The following CDC14B variants were observed in gnomAD, a reference collection of about 807,000 sequenced individuals.
CDC14B encodes dual specificity protein phosphatase CDC14B.
CDC14B carries 22 observed loss-of-function variants against 64.2 expected under a neutral mutation model. The ratio of observed to expected loss-of-function variants is 0.34; its 90% CI spans 0.24 to 0.49. CDC14B has a LOEUF of 0.49. Among genes scored for constraint, CDC14B ranks in the 20% least tolerant of loss-of-function variants. CDC14B has a pLI of 0.99. For synonymous variants in CDC14B, 191 were observed against 215.8 expected (o/e 0.89, Z 1.01); for missense variants, 498 against 629.9 (o/e 0.79, Z 2.24).
intron 2 of CDC14B, 70 bp from the exon 3 acceptor site, chr9:96,564,922 C>A: frequency 1.0e-6 from 1 of 977,824 alleles, no homozygotes; most frequent in South Asian, 1.5e-5. Context: ...TTTTTTGGGT[C>A]TACAAGATCA....
chr9:96,604,385 T>C (rs1846724462), intron 1 of CDC14B, among the ~76,000 whole-genome samples: 1 of 144,500 alleles, frequency 6.9e-6, no homozygotes, highest in Admixed American at 6.9e-5. Flanking sequence ...ATTATTATTA[T>C]TATTATTATT....
intron 1 of CDC14B, among the ~76,000 whole-genome samples, chr9:96,572,632 T>G (rs1408873568): frequency 2.0e-5 from 3 of 152,092 alleles, no homozygotes; most frequent in African/African-American, 4.8e-5. Context: ...AAAAGAAAAT[T>G]AATCTTATTC....
chr9:96,537,729 T>C lies in CDC14B; in HGVS notation c.627+1349A>G, dbSNP rs915575912. On this transcript the variant is annotated intron_variant, in intron 7 of 13. Coordinates refer to ENST00000375241, the MANE Select transcript of CDC14B (RefSeq NM_033331.4). ...TAATTTATGTAATCCAGTAAATTTT[T>C]CCCTTTTTTTTGAGACAGAATCTTG... Among the ~76,000 whole-genome samples, 10 of 152,124 alleles carry C rather than the reference T, an allele frequency of 6.6e-5. 1 individual carries two copies. The highest frequency in any genetic ancestry group is 1.3e-4 in the Non-Finnish European group (9 of 68,016).
intron 1 of CDC14B, among the ~76,000 whole-genome samples, chr9:96,594,030 G>A (rs1179657302): frequency 1.3e-5 from 2 of 152,166 alleles, no homozygotes; most frequent in African/African-American, 2.4e-5. Flanking sequence ...ACAAGATGGA[G>A]CGACAGGAAC....
chr9:96,541,332 A>G (rs1240248257), intron 6 of CDC14B, among the ~76,000 whole-genome samples: 1 of 152,272 alleles, frequency 6.6e-6, no homozygotes, highest in Non-Finnish European at 1.5e-5. Context: ...GTTTCACATA[A>G]AACTGTATAA....
In CDC14B at chr9:96,503,731, A is replaced by G. The variant is rs1833749890; in HGVS notation, c.*22T>C. The G allele has an allele frequency of 1.9e-6, 3 of 1,608,888 alleles. No individual in the cohort carries two copies. Among genetic ancestry groups the G allele is most frequent in the Non-Finnish European group, 1.7e-6 (2 of 1,175,468 alleles). On this transcript the variant is annotated 3_prime_UTR_variant, in exon 14 of 14. Coordinates refer to ENST00000375241, the MANE Select transcript of CDC14B (RefSeq NM_033331.4). The stretch of plus-strand genomic sequence containing the variant: ...GTTTTCAGTCCTAGAGTCTTCCTTC[A>G]GCTCTGGTCACAGGTTTTTACTTAA...
At chr9:96,583,348 C>T (rs1213156758) in intron 1 of CDC14B, among the ~76,000 whole-genome samples, 3 of 150,128 alleles carry the variant, frequency 2.0e-5, no homozygotes, top group Middle Eastern at 3.5e-3. Flanking sequence ...CGGCGCCACC[C>T]TCCGGCTACT....
intron 5 of CDC14B, among the ~76,000 whole-genome samples, chr9:96,549,662 T>TAA (rs797012054): frequency 1.4e-5 from 2 of 140,768 alleles, no homozygotes; most frequent in African/African-American, 5.2e-5. Context: ...AGACTCCGTC[T>TAA]AAAAAAAAAA....
chr9:96,558,419 T>C (rs930454207), intron 4 of CDC14B, among the ~76,000 whole-genome samples: 4 of 152,212 alleles, frequency 2.6e-5, no homozygotes, highest in African/African-American at 7.2e-5. Context: ...CCCATAAATA[T>C]GTACAATTAT....
At chr9:96,493,228 T>C in exon 14 of CDC14B, 1 of 152,304 alleles carries the variant, frequency 6.6e-6, no homozygotes, top group Middle Eastern at 3.2e-3. Context: ...TGGGCCTGCC[T>C]GCTCTCTCCA....
chr9:96,533,610 G>A lies in CDC14B; in HGVS notation c.946+317C>T, dbSNP rs552139879. Among the ~76,000 whole-genome samples, 3 of 152,258 alleles carry A rather than the reference G, an allele frequency of 2.0e-5. No homozygotes were observed. In the South Asian group the frequency reaches 6.2e-4, roughly 32 times the overall value. Reference sequence around the variant, plus strand: ...CACTGTTACAATTGCTGAAAACAGAGCAACTTGTTAAGAATATAGTTTCCA... The same window carrying A: ...CACTGTTACAATTGCTGAAAACAGAACAACTTGTTAAGAATATAGTTTCCA... On this transcript the variant is annotated intron_variant, in intron 9 of 13. Coordinates refer to ENST00000375241, the MANE Select transcript of CDC14B (RefSeq NM_033331.4).
intron 5 of CDC14B, among the ~76,000 whole-genome samples, chr9:96,547,611 GCC>G (rs1234788925): frequency 5.3e-5 from 8 of 151,978 alleles, no homozygotes; most frequent in Non-Finnish European, 4.4e-5. Flanking sequence ...ATGCCACCCT[GCC>G]CAGCTAATTT....
intron 13 of CDC14B, among the ~76,000 whole-genome samples, chr9:96,505,360 AC>A (rs941277016): frequency 1.3e-5 from 2 of 152,200 alleles, no homozygotes; most frequent in African/African-American, 2.4e-5. Context: ...AGTAACTTGT[AC>A]ATGCCAGTTT....
chr9:96,617,888 G>A (rs532819167), intron 1 of CDC14B, among the ~76,000 whole-genome samples: 7 of 152,238 alleles, frequency 4.6e-5, no homozygotes, highest in African/African-American at 1.7e-4. Context: ...AGGCCCACCC[G>A]TTCCCAGCCC....
At chr9:96,565,334 C>T (rs559906774) in intron 2 of CDC14B, 59 bp downstream of exon 2, 2 of 1,043,028 alleles carry the variant, frequency 1.9e-6, no homozygotes, top group South Asian at 1.4e-5. Flanking sequence ...CCATTTATAA[C>T]CATACCTTTA....
intron 1 of CDC14B, among the ~76,000 whole-genome samples, chr9:96,592,541 C>T (rs1845848912): frequency 1.3e-5 from 2 of 151,982 alleles, no homozygotes; most frequent in African/African-American, 2.4e-5. Context: ...TTTGGGAGGC[C>T]GAGGTGGGTG....
rs181262865 is a variant in CDC14B, at chr9:96,559,083, A to G, written c.420+3610T>C. 3.9e-5 allele frequency among the ~76,000 whole-genome samples: 6 copies of G among 152,326 alleles called. No individual in the cohort carries two copies. The East Asian group carries it at 1.2e-3, about 29-fold the overall frequency. ...GCCTGACCATCTGTCAAAAAGACCA[A>G]TTGTGGGCATGTCAATTCATATTTT... On this transcript the variant is annotated intron_variant, in intron 4 of 13. Transcript: ENST00000375241.
chr9:96,573,832 G>A (rs532233538), intron 1 of CDC14B, among the ~76,000 whole-genome samples: 1 of 152,138 alleles, frequency 6.6e-6, no homozygotes, highest in Non-Finnish European at 1.5e-5. Flanking sequence ...ACAGGACCAA[G>A]AAGAACAAAA....
At chr9:96,576,945 CTACAA>C (rs1336819527) in intron 1 of CDC14B, among the ~76,000 whole-genome samples, 1 of 152,136 alleles carries the variant, frequency 6.6e-6, no homozygotes, top group Non-Finnish European at 1.5e-5. Flanking sequence ...TGTTCAATGA[CTACAA>C]TACAATAAAA....
Sources: gnomAD v4.1 joint callset for allele counts (sites outside exome capture counted in the v4.1 genomes callset) on GRCh38, gnomAD v4.1.1 for gene constraint, MANE v1.5 for transcripts, NCBI Gene and HGNC (gene_info 2026-07-23, HGNC 2026-07-21) for gene names.